Variants in PCDH7 observed in about 807,000 individuals in gnomAD.
PCDH7 encodes the protein protocadherin 7.
A neutral mutation model predicts 58.9 loss-of-function variants in PCDH7; 17 were observed. The observed-to-expected ratio is 0.29, with a 90% CI of 0.20 to 0.43. PCDH7 has a LOEUF of 0.43. Among genes scored for constraint, PCDH7 ranks in the 20% least tolerant of loss-of-function variants. The pLI, the probability that PCDH7 is intolerant of heterozygous loss-of-function variation, is 1.00. For synonymous variants in PCDH7, 664 were observed against 616.4 expected (o/e 1.08, Z -1.14); for missense variants, 1,274 against 1,441.0 (o/e 0.88, Z 1.88).
At chr4:30,750,910 T>C in intron 1 of PCDH7, among the ~76,000 whole-genome samples, 1 of 152,044 alleles carries the variant, frequency 6.6e-6, no homozygotes, top group East Asian at 1.9e-4. Context: ...ATGTAGAAAG[T>C]TCTTGCAGAA....
intron 3 of PCDH7, among the ~76,000 whole-genome samples, chr4:31,005,331 G>C (rs1469314516): frequency 6.6e-6 from 1 of 152,178 alleles, no homozygotes; most frequent in African/African-American, 2.4e-5. Flanking sequence ...TGAAAGTGAT[G>C]TGGAAGGAAG....
At chr4:30,760,006 C>T (rs1003127125) in intron 1 of PCDH7, among the ~76,000 whole-genome samples, 1 of 151,988 alleles carries the variant, frequency 6.6e-6, no homozygotes, top group Admixed American at 6.6e-5. Context: ...CACCTCCTCT[C>T]TACATTGGAA....
chr4:31,017,839 A>C (rs1212893890), intron 3 of PCDH7, among the ~76,000 whole-genome samples: 3 of 152,176 alleles, frequency 2.0e-5, no homozygotes, highest in Non-Finnish European at 2.9e-5. Context: ...AATAGATAAG[A>C]GGCTTGTAAT....
chr4:31,034,570 G>A (rs1755227201), intron 3 of PCDH7, among the ~76,000 whole-genome samples: 1 of 152,160 alleles, frequency 6.6e-6, no homozygotes, highest in African/African-American at 2.4e-5. Flanking sequence ...ATAAACATCA[G>A]AATTTAGAAA....
chr4:31,079,365 C>T (rs28826355), intron 3 of PCDH7, among the ~76,000 whole-genome samples: 3,154 of 72,476 alleles, frequency 0.044, 162 homozygotes, highest in African/African-American at 0.092. Flanking sequence ...TATATATATA[C>T]ACCACATTTT....
intron 3 of PCDH7, among the ~76,000 whole-genome samples, chr4:30,953,421 T>G (rs932946966): frequency 6.6e-6 from 1 of 152,144 alleles, no homozygotes; most frequent in African/African-American, 2.4e-5. Context: ...ATTGCAAATC[T>G]TTTTAGTATT....
intron 1 of PCDH7, among the ~76,000 whole-genome samples, chr4:30,754,053 G>A (rs559427960): frequency 3.3e-5 from 5 of 152,030 alleles, no homozygotes; most frequent in South Asian, 2.1e-4. Flanking sequence ...CTATACACAC[G>A]CTTCTCCAAT....
At position 30,723,046 on chromosome 4, in the gene PCDH7, G is replaced by T; in HGVS notation, c.1624G>T (p.Val542Phe). The change falls in exon 1 of 2, where the codon GTT becomes TTT. Residue 542 changes from valine (V) to phenylalanine (F), a missense_variant. Transcript: ENST00000361762. The surrounding 1 kb of genome is among the most constrained non-coding windows in gnomAD (Gnocchi z 4.6). Reference sequence around the variant, plus strand: ...CATGTTCGGCCAGTCGGTGGTGGAGGTTTACTTCCCTGAGAACAACATCCC... The same window carrying T: ...CATGTTCGGCCAGTCGGTGGTGGAGTTTTACTTCCCTGAGAACAACATCCC... The T allele has an allele frequency of 1.2e-6, 2 of 1,613,914 alleles. No homozygotes were observed.
At chr4:31,057,634 C>T (rs937930762) in intron 3 of PCDH7, among the ~76,000 whole-genome samples, 7 of 152,048 alleles carry the variant, frequency 4.6e-5, no homozygotes, top group African/African-American at 1.7e-4. Context: ...AGGTATATCC[C>T]TTTAGGAATC....
chr4:30,834,699 T>C (rs1369495045), intron 1 of PCDH7, among the ~76,000 whole-genome samples: 1 of 151,958 alleles, frequency 6.6e-6, no homozygotes, highest in Non-Finnish European at 1.5e-5. Context: ...TTCCAAGACA[T>C]TTGTGTAAAC....
At chr4:30,983,283 A>C (rs2109113055) in intron 3 of PCDH7, among the ~76,000 whole-genome samples, 2 of 152,302 alleles carry the variant, frequency 1.3e-5, no homozygotes, top group East Asian at 1.9e-4. Flanking sequence ...TCTAAAATTT[A>C]GTTTTCTTTT....
intron 3 of PCDH7, among the ~76,000 whole-genome samples, chr4:31,044,922 C>T (rs1224034493): frequency 6.6e-6 from 1 of 151,884 alleles, no homozygotes; most frequent in African/African-American, 2.4e-5. Context: ...ACTTTTGGAC[C>T]CTGACTTCTC....
At chr4:30,990,324 C>A (rs899745760) in intron 3 of PCDH7, among the ~76,000 whole-genome samples, 3 of 151,808 alleles carry the variant, frequency 2.0e-5, no homozygotes, top group African/African-American at 7.3e-5. Flanking sequence ...TATATATACA[C>A]AATATATATA....
chr4:30,987,059 G>A (rs923174517), intron 3 of PCDH7, among the ~76,000 whole-genome samples: 10 of 152,052 alleles, frequency 6.6e-5, no homozygotes, highest in African/African-American at 2.4e-4. Context: ...CACCTACAGG[G>A]AAATCACAGT....
intron 3 of PCDH7, among the ~76,000 whole-genome samples, chr4:30,972,223 C>A (rs374132616): frequency 1.0e-3 from 154 of 152,076 alleles, no homozygotes; most frequent in African/African-American, 3.6e-3. Context: ...ATCTGAACAC[C>A]AGTATTTCAT....
intron 3 of PCDH7, among the ~76,000 whole-genome samples, chr4:31,124,032 TG>T (rs1169230964): frequency 6.6e-6 from 1 of 152,054 alleles, no homozygotes; most frequent in African/African-American, 2.4e-5. Context: ...CAGTGGAGCT[TG>T]GGGTTTTTAT....
At position 30,984,197 on chromosome 4, in the gene PCDH7, T is replaced by A. The variant is rs935012059; in HGVS notation, c.*7+33982T>A. 2.0e-5 allele frequency among the ~76,000 whole-genome samples: 3 copies of A among 152,138 alleles called. No homozygotes were observed. In the East Asian group the frequency reaches 5.8e-4, roughly 29 times the overall value. On this transcript the variant is annotated intron_variant, in intron 3 of 3. Transcript: ENST00000509759. ...GGTAAAAGTGGGCCCAGAGGAGGGG[T>A]TCATATGCAAGGGTTAGTTTTTATA...
At chr4:31,141,045 A>G (rs765097649) in intron 3 of PCDH7, among the ~76,000 whole-genome samples, 1 of 152,216 alleles carries the variant, frequency 6.6e-6, no homozygotes, top group Non-Finnish European at 1.5e-5. Context: ...TCAGTTACCC[A>G]TCATTGAAGG....
intron 3 of PCDH7, among the ~76,000 whole-genome samples, chr4:30,989,746 G>T (rs1025770201): frequency 2.0e-5 from 3 of 152,040 alleles, no homozygotes; most frequent in African/African-American, 4.8e-5. Flanking sequence ...TTGAATAGGG[G>T]TTATGTTGTA....
Sources: gnomAD v4.1 joint callset for allele counts (sites outside exome capture counted in the v4.1 genomes callset) on GRCh38, gnomAD v4.1.1 for gene constraint, Gnocchi (gnomAD v3.1) non-coding constraint, MANE v1.5 for transcripts, NCBI Gene and HGNC (gene_info 2026-07-23, HGNC 2026-07-21) for gene names.